The following SLCO3A1 variants were observed in gnomAD, a reference collection of about 807,000 sequenced individuals.
SLCO3A1 encodes the protein solute carrier organic anion transporter family member 3A1.
Under a neutral mutation model 63.1 loss-of-function variants are expected in SLCO3A1, and 27 were observed. That is an observed-to-expected ratio of 0.43 (90% CI 0.32 to 0.59). The LOEUF (loss-of-function observed/expected upper bound fraction) is 0.59, where lower values mean the gene tolerates loss of function less well. SLCO3A1 is among the 20% of genes least tolerant of loss of function. The probability of loss-of-function intolerance (pLI) is 0.09; values close to 1 mark genes in which losing one functional copy is unlikely to be tolerated. For synonymous variants in SLCO3A1, 473 were observed against 409.9 expected (o/e 1.15, Z -1.86); for missense variants, 773 against 945.8 (o/e 0.82, Z 2.40).
intron 1 of SLCO3A1, chr15:91,908,591 G>C (rs376421184): frequency 6.6e-6 from 1 of 152,084 alleles, no homozygotes; most frequent in Admixed American, 6.5e-5. Flanking sequence ...CTGCTGTCTA[G>C]ATGAGAAACA....
rs150192915 is a variant in SLCO3A1 at position 91,864,632 on chromosome 15, T to C, written c.180+10544T>C. Among the ~76,000 whole-genome samples, 198 of 152,266 alleles carry C rather than the reference T, an allele frequency of 1.3e-3. 1 individual carries two copies. The highest frequency in any genetic ancestry group is 0.01 in the South Asian group (50 of 4,816). On this transcript the variant is annotated intron_variant, in intron 1 of 9. Transcript: ENST00000318445. ...CTTAGGATTTCATTGGGGAATACTT[T>C]TGTATTTAAAAATAACAGTGACAGG...
At chr15:91,891,505 C>G (rs1897870020) in intron 1 of SLCO3A1, among the ~76,000 whole-genome samples, 1 of 152,182 alleles carries the variant, frequency 6.6e-6, no homozygotes, top group South Asian at 2.1e-4. Context: ...CTACCCAGAC[C>G]TGCTTCTTTT....
At chr15:92,146,573 T>C (rs1365834253) in intron 7 of SLCO3A1, among the ~76,000 whole-genome samples, 1 of 152,234 alleles carries the variant, frequency 6.6e-6, no homozygotes, top group African/African-American at 2.4e-5. Flanking sequence ...CTGATTTACT[T>C]CTTTTAATAC....
Position 91,912,759 on chromosome 15 carries a change from C to T in SLCO3A1, c.181-3234C>T, listed in dbSNP as rs983227523. Among the ~76,000 whole-genome samples, 4 of 152,176 alleles carry T rather than the reference C, an allele frequency of 2.6e-5. No individual in the cohort carries two copies. The highest frequency in any genetic ancestry group is 9.7e-5 in the African/African-American group (4 of 41,440). On this transcript the variant is annotated intron_variant, in intron 1 of 9. Coordinates refer to ENST00000318445, the MANE Select transcript of SLCO3A1 (RefSeq NM_013272.4). The surrounding 1 kb of genome is among the most constrained non-coding windows in gnomAD (Gnocchi z 5.0). ...GTCCTAAAGCTGAAGACCTACCAGA[C>T]TGCTTCAGCCACCTCTCCGGGGGTG...
intron 2 of SLCO3A1, among the ~76,000 whole-genome samples, chr15:91,987,337 C>T (rs568457448): frequency 1.2e-4 from 18 of 152,118 alleles, no homozygotes; most frequent in Non-Finnish European, 2.5e-4. Flanking sequence ...TACTGAACAC[C>T]TATCATGTGT....
intron 2 of SLCO3A1, among the ~76,000 whole-genome samples, chr15:92,030,757 A>G (rs563552304): frequency 3.3e-5 from 5 of 152,284 alleles, no homozygotes; most frequent in African/African-American, 1.2e-4. Context: ...AGCCTAAGCC[A>G]TGCCTCACCT....
intron 2 of SLCO3A1, among the ~76,000 whole-genome samples, chr15:92,004,961 A>G (rs2046297140): frequency 6.6e-6 from 1 of 152,240 alleles, no homozygotes; most frequent in Admixed American, 6.5e-5. Flanking sequence ...GGGATAATTA[A>G]AAACTCTTTT....
At chr15:91,871,765 G>GTTT (rs33938693) in intron 1 of SLCO3A1, among the ~76,000 whole-genome samples, 8,217 of 45,588 alleles carry the variant, frequency 0.18, 1,118 homozygotes, top group Middle Eastern at 0.26. Context: ...TTTTTTTTTG[G>GTTT]TTTTTTTTTT....
rs375102719 is a variant in SLCO3A1, at chr15:92,066,395, A to G, written c.647-28486A>G. On this transcript the variant is annotated intron_variant, in intron 2 of 9. Transcript: ENST00000318445. ...TTGTGCTGTTTCTGGCATTTTGACA[A>G]AGTGAATGACAATATGCATCCATAG... Among the ~76,000 whole-genome samples, 31 of 152,384 alleles carry G rather than the reference A, an allele frequency of 2.0e-4. No homozygotes were observed. The South Asian group carries it at 6.2e-3, about 31-fold the overall frequency.
At chr15:92,034,455 C>T (rs182109415) in intron 2 of SLCO3A1, among the ~76,000 whole-genome samples, 3 of 151,380 alleles carry the variant, frequency 2.0e-5, no homozygotes, top group Admixed American at 1.3e-4. Flanking sequence ...TATGAGTCAT[C>T]GGGGTAGAGA....
At chr15:91,978,162 G>A (rs1445863797) in intron 2 of SLCO3A1, among the ~76,000 whole-genome samples, 1 of 152,170 alleles carries the variant, frequency 6.6e-6, no homozygotes, top group East Asian at 1.9e-4. Flanking sequence ...CATTGCTAAA[G>A]GTCATTGACC....
intron 4 of SLCO3A1, among the ~76,000 whole-genome samples, chr15:92,113,197 C>T (rs1185193045): frequency 6.6e-6 from 1 of 152,200 alleles, no homozygotes; most frequent in African/African-American, 2.4e-5. Flanking sequence ...TCTGACTTCA[C>T]ACTCCAGAGG....
intron 1 of SLCO3A1, among the ~76,000 whole-genome samples, chr15:91,887,708 A>G (rs1897761504): frequency 6.6e-6 from 1 of 152,190 alleles, no homozygotes; most frequent in African/African-American, 2.4e-5. Flanking sequence ...TTTTGATGAA[A>G]GATATTCGAG....
chr15:92,153,682 A>C (rs1168547513), intron 9 of SLCO3A1: 1 of 152,334 alleles, frequency 6.6e-6, no homozygotes, highest in Non-Finnish European at 1.5e-5. Context: ...AGGGCCTCCT[A>C]ATCTTGCCTT....
chr15:92,154,921 A>AGCCT (rs1253251482), intron 9 of SLCO3A1, among the ~76,000 whole-genome samples: 33 of 152,346 alleles, frequency 2.2e-4, no homozygotes, highest in African/African-American at 7.7e-4. Context: ...ATGTGGCCAA[A>AGCCT]GCCTCATTGT....
At chr15:91,978,828 G>A (rs1053516778) in intron 2 of SLCO3A1, among the ~76,000 whole-genome samples, 2 of 152,218 alleles carry the variant, frequency 1.3e-5, no homozygotes, top group Non-Finnish European at 2.9e-5. Flanking sequence ...TCTAGTTCAA[G>A]GGTCAGCGAA....
At chr15:91,972,256 A>G (rs1388079348) in intron 2 of SLCO3A1, among the ~76,000 whole-genome samples, 1 of 152,114 alleles carries the variant, frequency 6.6e-6, no homozygotes, top group Non-Finnish European at 1.5e-5. Flanking sequence ...GGAGGTGGAT[A>G]TGGGAGATGA....
chr15:91,981,680 G>A (rs144971162), intron 2 of SLCO3A1, among the ~76,000 whole-genome samples: 121 of 152,198 alleles, frequency 8.0e-4, no homozygotes, highest in African/African-American at 2.7e-3. Context: ...CACCCAATCC[G>A]AAAACCCTTT....
rs185111752 is a variant in SLCO3A1 at position 91,887,676 on chromosome 15, T to G, written c.181-28317T>G. Among the ~76,000 whole-genome samples the G allele has an allele frequency of 2.6e-4, 40 of 152,320 alleles. 2 individuals are homozygous for G. In the East Asian group the frequency reaches 6.4e-3, roughly 24 times the overall value. ...TGGGAACTTCTGAGGCCTGCTGTTC[T>G]CTCCCTGTCTTTTATGTGTCTTTTT... is the stretch of plus-strand genomic sequence containing the variant. On this transcript the variant is annotated intron_variant, in intron 1 of 9. Coordinates refer to ENST00000318445, the MANE Select transcript of SLCO3A1 (RefSeq NM_013272.4).
Sources: allele counts gnomAD v4.1 joint callset (sites outside exome capture counted in the v4.1 genomes callset), GRCh38; gene constraint gnomAD v4.1.1; non-coding constraint Gnocchi (gnomAD v3.1); transcripts MANE v1.5; gene names NCBI Gene and HGNC (gene_info 2026-07-23, HGNC 2026-07-21).